Variants in PLEKHA5 observed in about 807,000 individuals in gnomAD.
The protein encoded by PLEKHA5 is pleckstrin homology domain containing A5, also known as pleckstrin homology domain-containing family A member 5.
A neutral mutation model predicts 181.9 loss-of-function variants in PLEKHA5; 55 were observed. The observed-to-expected ratio is 0.30, with a 90% confidence interval of 0.24 to 0.38. PLEKHA5 has a LOEUF of 0.38. PLEKHA5 is among the 10% of genes least tolerant of loss of function. PLEKHA5 has a pLI of 1.00. For missense variants in PLEKHA5, 1,432 were observed against 1,549.5 expected (o/e 0.92, Z 1.27); for synonymous variants, 535 against 529.4 (o/e 1.01, Z -0.15).
At chr12:19,151,237 T>TA (rs1289726416) in intron 3 of PLEKHA5, 5 of 152,122 alleles carry the variant, frequency 3.3e-5, no homozygotes, top group Admixed American at 2.0e-4. Context: ...AGGTTGAGGG[T>TA]ATAGAGGAGT....
intron 4 of PLEKHA5, 103 bp downstream of exon 4, chr12:19,254,126 G>A (rs2066175169): frequency 1.4e-6 from 1 of 725,314 alleles, no homozygotes; most frequent in African/African-American, 1.8e-5. Context: ...CTGGACATTT[G>A]TAGTCAAGTA....
chr12:19,340,074 C>CA (rs1306822692), intron 21 of PLEKHA5, among the ~76,000 whole-genome samples: 2 of 152,042 alleles, frequency 1.3e-5, no homozygotes, highest in African/African-American at 4.8e-5. Flanking sequence ...TTGGCTTTAT[C>CA]AAAGTTAAAG....
chr12:19,162,662 A>G (rs954802165), intron 3 of PLEKHA5, among the ~76,000 whole-genome samples: 14 of 152,090 alleles, frequency 9.2e-5, no homozygotes, highest in African/African-American at 3.1e-4. Flanking sequence ...CAGCAACTTT[A>G]TTGAACAAAG....
chr12:19,277,355 T>C (rs763559586), intron 11 of PLEKHA5, among the ~76,000 whole-genome samples: 47 of 152,112 alleles, frequency 3.1e-4, no homozygotes, highest in Non-Finnish European at 6.2e-4. Flanking sequence ...ATCTGGAAAT[T>C]AGAGGATTTT....
chr12:19,298,396 C>T (rs1280240560), intron 15 of PLEKHA5, among the ~76,000 whole-genome samples: 6 of 142,294 alleles, frequency 4.2e-5, no homozygotes, highest in African/African-American at 1.6e-4. Context: ...GTAATCTGTC[C>T]TATTTTTTTA....
chr12:19,324,970 C>A (rs560753428), intron 20 of PLEKHA5, among the ~76,000 whole-genome samples: 8 of 152,252 alleles, frequency 5.3e-5, no homozygotes, highest in African/African-American at 1.7e-4. Context: ...CTTGAAATTC[C>A]GATTTTAGGG....
At chr12:19,260,576 G>C (rs1371248432) in intron 6 of PLEKHA5, among the ~76,000 whole-genome samples, 1 of 152,110 alleles carries the variant, frequency 6.6e-6, no homozygotes. Context: ...AATGCACAAG[G>C]CCAGGAACAG....
At chr12:19,344,640 C>G (rs191864538) in intron 22 of PLEKHA5, among the ~76,000 whole-genome samples, 1 of 152,276 alleles carries the variant, frequency 6.6e-6, no homozygotes, top group Admixed American at 6.5e-5. Context: ...ATTTGGATAA[C>G]TGCGGCCAAA....
Position 19,341,102 on chromosome 12 carries a change from A to T in PLEKHA5, c.2551-2221A>T, listed in dbSNP as rs1431994195. Among the ~76,000 whole-genome samples the T allele has an allele frequency of 3.3e-5, 5 of 152,210 alleles. No homozygotes were observed. In the East Asian group the frequency reaches 9.7e-4, roughly 29 times the overall value. On this transcript the variant is annotated intron_variant, in intron 21 of 31. Coordinates refer to ENST00000429027, the MANE Select transcript of PLEKHA5 (RefSeq NM_001256470.2). ...AGCCTGGCCAACATGGCGAAACCTC[A>T]TCTCTACTAAAATACAAAAAAAGAG...
At chr12:19,252,398 A>T (rs981711731) in intron 3 of PLEKHA5, among the ~76,000 whole-genome samples, 1 of 152,160 alleles carries the variant, frequency 6.6e-6, no homozygotes, top group Non-Finnish European at 1.5e-5. Context: ...TCTGTTACAG[A>T]TTACTTTATG....
chr12:19,356,559 G>A (rs923407727), intron 26 of PLEKHA5, among the ~76,000 whole-genome samples: 1 of 150,806 alleles, frequency 6.6e-6, no homozygotes, highest in East Asian at 1.9e-4. Context: ...AATTATAAGG[G>A]AAAATATATT....
intron 3 of PLEKHA5, among the ~76,000 whole-genome samples, chr12:19,145,688 C>G (rs2038753997): frequency 1.3e-5 from 2 of 151,970 alleles, no homozygotes; most frequent in South Asian, 4.2e-4. Context: ...TCCCCCGCCC[C>G]CTGCCCAATT....
At chr12:19,163,787 C>T (rs2043567182) in intron 3 of PLEKHA5, among the ~76,000 whole-genome samples, 1 of 152,176 alleles carries the variant, frequency 6.6e-6, no homozygotes, top group Admixed American at 6.5e-5. Context: ...TCAGTAAACA[C>T]TCAGTGGCTC....
In PLEKHA5 at chr12:19,169,955, A is replaced by G. The variant is rs192475995; in HGVS notation, c.227+37505A>G. 2.2e-4 allele frequency among the ~76,000 whole-genome samples: 33 copies of G among 152,334 alleles called. No individual in the cohort carries two copies. The East Asian group carries it at 4.6e-3, about 21-fold the overall frequency. On this transcript the variant is annotated intron_variant, in intron 3 of 31. Coordinates refer to ENST00000429027, the MANE Select transcript of PLEKHA5 (RefSeq NM_001256470.2). The stretch of plus-strand genomic sequence containing the variant: ...GTGCGCTAAGAAATGAATGTTAATC[A>G]CTATCTGTAGAGAAAAGGCAATATA...
chr12:19,343,483 CAT>C, intron 22 of PLEKHA5, 49 bp downstream of exon 22: 1 of 1,030,222 alleles, frequency 9.7e-7, no homozygotes, highest in Non-Finnish European at 1.5e-6. Context: ...GTATTACAGT[CAT>C]GTGTCGCTTG....
At chr12:19,260,701 CA>C (rs534459612) in intron 6 of PLEKHA5, among the ~76,000 whole-genome samples, 2 of 150,638 alleles carry the variant, frequency 1.3e-5, no homozygotes, top group East Asian at 1.9e-4. Flanking sequence ...ACTAAAAATA[CA>C]AAAAAAAATT....
intron 3 of PLEKHA5, chr12:19,151,594 G>A (rs1186289698): frequency 6.6e-6 from 1 of 152,084 alleles, no homozygotes; most frequent in Non-Finnish European, 1.5e-5. Flanking sequence ...ATACTAAGCA[G>A]ATACATAGTC....
chr12:19,213,798 A>G (rs138440076), intron 3 of PLEKHA5, among the ~76,000 whole-genome samples: 26 of 152,236 alleles, frequency 1.7e-4, no homozygotes, highest in African/African-American at 5.8e-4. Flanking sequence ...TGAGAGGGAG[A>G]ACTGTTCTCT....
chr12:19,240,177 T>C (rs1008181071), intron 3 of PLEKHA5, among the ~76,000 whole-genome samples: 27 of 152,202 alleles, frequency 1.8e-4, no homozygotes, highest in African/African-American at 6.3e-4. Flanking sequence ...CCCTTTTGAA[T>C]TGAACTGTTA....
Sources: gnomAD v4.1 joint callset for allele counts (sites outside exome capture counted in the v4.1 genomes callset) on GRCh38, gnomAD v4.1.1 for gene constraint, MANE v1.5 for transcripts, NCBI Gene and HGNC (gene_info 2026-07-23, HGNC 2026-07-21) for gene names.